TASP1: variants seen among roughly 807,000 people sequenced by gnomAD.
TASP1 encodes threonine aspartase 1.
TASP1 carries 16 observed loss-of-function variants against 56.6 expected under a neutral mutation model. The observed-to-expected ratio is 0.28, with a 90% CI of 0.19 to 0.43. The LOEUF (loss-of-function observed/expected upper bound fraction) is 0.43. Among genes scored for constraint, TASP1 ranks in the 20% least tolerant of loss-of-function variants. TASP1 has a pLI of 1.00. For missense variants in TASP1, 393 were observed against 511.6 expected (o/e 0.77, Z 2.24); for synonymous variants, 179 against 184.2 (o/e 0.97, Z 0.23).
intron 13 of TASP1, among the ~76,000 whole-genome samples, chr20:13,416,643 C>A (rs933394501): frequency 3.3e-5 from 5 of 152,160 alleles, no homozygotes; most frequent in Non-Finnish European, 7.4e-5. Context: ...TAAATCATTT[C>A]TTTTAAAAAC....
the TASP1 span, among the ~76,000 whole-genome samples, chr20:13,323,709 T>TTA: frequency 2.4e-4 from 36 of 152,330 alleles, no homozygotes; most frequent in African/African-American, 8.4e-4. Flanking sequence ...CCAGAGTTAA[T>TTA]TACTAAAAGA....
the TASP1 span, among the ~76,000 whole-genome samples, chr20:13,291,006 C>T: frequency 1.3e-5 from 2 of 152,170 alleles, no homozygotes; most frequent in Non-Finnish European, 2.9e-5. Flanking sequence ...GAATCAGCCA[C>T]ACAGGGACAC....
the TASP1 span, among the ~76,000 whole-genome samples, chr20:13,177,171 G>A: frequency 1.3e-5 from 2 of 152,062 alleles, no homozygotes; most frequent in Non-Finnish European, 2.9e-5. Flanking sequence ...AACCCAGGAG[G>A]CAGAGATTGA....
the TASP1 span, among the ~76,000 whole-genome samples, chr20:13,347,364 T>C: frequency 1.3e-5 from 2 of 152,176 alleles, no homozygotes; most frequent in African/African-American, 2.4e-5. Flanking sequence ...TCATTGTGCC[T>C]GAAAACCTAA....
At chr20:13,511,564 C>A (rs2044325908) in intron 10 of TASP1, among the ~76,000 whole-genome samples, 1 of 152,086 alleles carries the variant, frequency 6.6e-6, no homozygotes, top group Non-Finnish European at 1.5e-5. Context: ...CTTCATAGAA[C>A]AAAGCCTCTA....
chr20:13,225,929 G>C, the TASP1 span, among the ~76,000 whole-genome samples: 1 of 152,082 alleles, frequency 6.6e-6, no homozygotes, highest in Non-Finnish European at 1.5e-5. Flanking sequence ...ACAAAATATA[G>C]AATCCATAGG....
the TASP1 span, among the ~76,000 whole-genome samples, chr20:13,324,752 C>G: frequency 6.6e-6 from 1 of 152,154 alleles, no homozygotes; most frequent in African/African-American, 2.4e-5. Context: ...GGAACAGCAC[C>G]TAGCACCACT....
chr20:13,334,386 T>C, the TASP1 span, among the ~76,000 whole-genome samples: 1 of 152,200 alleles, frequency 6.6e-6, no homozygotes, highest in African/African-American at 2.4e-5. Context: ...TTTGAAACTG[T>C]CGTAGTATAG....
intron 8 of TASP1, among the ~76,000 whole-genome samples, chr20:13,544,316 C>G (rs927678542): frequency 3.3e-5 from 5 of 152,148 alleles, no homozygotes; most frequent in Admixed American, 6.5e-5. Context: ...CTATTTTACT[C>G]CAAAGTTTCT....
the TASP1 span, chr20:13,153,928 C>A: frequency 6.4e-7 from 1 of 1,572,464 alleles, no homozygotes; most frequent in Non-Finnish European, 8.6e-7. Flanking sequence ...CTTAAAGATG[C>A]TTGCCAAGTT....
intron 11 of TASP1, among the ~76,000 whole-genome samples, chr20:13,469,936 G>C (rs1308714402): frequency 6.7e-6 from 1 of 148,950 alleles, no homozygotes; most frequent in South Asian, 2.1e-4. Context: ...AGCCTCCCGA[G>C]TAGCAGGAAC....
the TASP1 span, among the ~76,000 whole-genome samples, chr20:13,195,862 T>C: frequency 3.9e-5 from 6 of 152,206 alleles, no homozygotes; most frequent in Admixed American, 2.0e-4. Flanking sequence ...CTATGCATAG[T>C]ATACCTTTGT....
At chr20:13,589,356 C>T (rs929564240) in intron 4 of TASP1, among the ~76,000 whole-genome samples, 1 of 151,938 alleles carries the variant, frequency 6.6e-6, no homozygotes, top group African/African-American at 2.4e-5. Flanking sequence ...CCGCGCCTGG[C>T]CAGAAGGTAT....
chr20:13,564,752 A>G (rs1450292438), intron 7 of TASP1, among the ~76,000 whole-genome samples: 1 of 152,098 alleles, frequency 6.6e-6, no homozygotes, highest in Non-Finnish European at 1.5e-5. Context: ...CTGTAATCCC[A>G]GCACTTTGGA....
chr20:13,479,092 A>C (rs1243868936), intron 11 of TASP1, among the ~76,000 whole-genome samples: 1 of 152,194 alleles, frequency 6.6e-6, no homozygotes, highest in East Asian at 1.9e-4. Flanking sequence ...GGAGGATGGC[A>C]GGAAAGGAGT....
At chr20:13,220,182 G>A in the TASP1 span, among the ~76,000 whole-genome samples, 2 of 152,202 alleles carry the variant, frequency 1.3e-5, no homozygotes, top group African/African-American at 4.8e-5. Context: ...CGGGTAGGAG[G>A]AGGGGAAGCG....
At chr20:13,113,623 T>C in the TASP1 span, among the ~76,000 whole-genome samples, 2 of 152,190 alleles carry the variant, frequency 1.3e-5, no homozygotes, top group East Asian at 3.8e-4. Flanking sequence ...GCCTGGGACC[T>C]AGGTTCAAAT....
At chr20:13,626,791 T>C (rs930345842) in intron 2 of TASP1, among the ~76,000 whole-genome samples, 5 of 152,130 alleles carry the variant, frequency 3.3e-5, no homozygotes, top group African/African-American at 1.2e-4. Flanking sequence ...CAGCAGCATT[T>C]CCTAAAGCAT....
At chr20:13,638,167 A>G (rs1260143161) in intron 1 of TASP1, among the ~76,000 whole-genome samples, 1 of 152,214 alleles carries the variant, frequency 6.6e-6, no homozygotes, top group African/African-American at 2.4e-5. Flanking sequence ...TATTTACAAC[A>G]AAAAAGATAA....
Sources: allele counts gnomAD v4.1 joint callset (sites outside exome capture counted in the v4.1 genomes callset), GRCh38; gene constraint gnomAD v4.1.1; transcripts MANE v1.5; gene names NCBI Gene and HGNC (gene_info 2026-07-23, HGNC 2026-07-21).